Variants in PHKA2 observed in about 807,000 individuals in gnomAD.
PHKA2 encodes phosphorylase kinase regulatory subunit alpha 2.
Under a neutral mutation model 102.0 loss-of-function variants are expected in PHKA2, and 31 were observed. The ratio of observed to expected loss-of-function variants is 0.30; its 90% CI spans 0.23 to 0.41. The LOEUF is 0.41. PHKA2 is among the 10% of genes least tolerant of loss of function. The pLI, the probability that PHKA2 is intolerant of heterozygous loss-of-function variation, is 1.00. For missense variants in PHKA2, 858 were observed against 1,023.1 expected, an observed-to-expected ratio of 0.84 and a Z score of 2.20; for synonymous variants, 455 against 416.2, an observed-to-expected ratio of 1.09 and a Z score of -1.13.
rs1478150249 is a variant in PHKA2, at chrX:18,911,007, A to C, written c.2138-47T>G. On this transcript the variant is annotated intron_variant, in intron 19 of 32. Coordinates refer to ENST00000379942, the MANE Select transcript of PHKA2 (RefSeq NM_000292.3). Reference sequence around the variant, plus strand: ...AGAGTTATTCTGAGGAGGAAGAACAACACTTTTTTTTTTTTTGAGACAGAA... The same window carrying C: ...AGAGTTATTCTGAGGAGGAAGAACACCACTTTTTTTTTTTTTGAGACAGAA... The C allele has an allele frequency of 1.6e-5, 13 of 811,982 alleles. 1 individual carries two copies. The African/African-American group carries it at 2.2e-4, about 14-fold the overall frequency. The allele number at this position is 811,982 out of a possible 1,213,427, so 66.9% of individuals were successfully genotyped here. A position where few individuals can be genotyped will look rare whatever the true frequency, so the allele number is the denominator to read the frequency against.
At chrX:18,918,066 T>C (rs765756081) in intron 19 of PHKA2, among the ~76,000 whole-genome samples, 1 of 111,028 alleles carries the variant, frequency 9.0e-6, no homozygotes, top group East Asian at 2.8e-4. Context: ...ATGACACATA[T>C]GCAACAGGCC....
At chrX:18,940,321 T>C (rs2048471628) in intron 8 of PHKA2, among the ~76,000 whole-genome samples, 1 of 111,951 alleles carries the variant, frequency 8.9e-6, no homozygotes, top group African/African-American at 3.2e-5. Flanking sequence ...ATGCCTTCAT[T>C]CTGATTTACT....
At chrX:18,941,801 C>T (rs1335179036) in intron 7 of PHKA2, 126 bp from the exon 8 acceptor site, 10 of 537,017 alleles carry the variant, frequency 1.9e-5, no homozygotes, top group Non-Finnish European at 3.0e-5. Flanking sequence ...GAGCTTTGTC[C>T]TACCAACATG....
chrX:18,945,215 T>C, intron 5 of PHKA2, 57 bp from the exon 6 acceptor site: 2 of 736,351 alleles, frequency 2.7e-6, no homozygotes, highest in East Asian at 3.2e-5. Context: ...AGAAGTGCTA[T>C]GGGAAAAATG....
intron 15 of PHKA2, among the ~76,000 whole-genome samples, chrX:18,925,373 G>A (rs1278741897): frequency 8.9e-6 from 1 of 112,332 alleles, no homozygotes; most frequent in Non-Finnish European, 1.9e-5. Context: ...ACAAGGGTCA[G>A]AGATGATTGT....
intron 32 of PHKA2, 71 bp downstream of exon 32, chrX:18,894,133 C>T: frequency 1.0e-6 from 1 of 961,111 alleles, no homozygotes; most frequent in Admixed American, 2.2e-5. Flanking sequence ...TATATTCTTT[C>T]CTATTGGACA....
At chrX:18,969,062 G>A (rs980039679) in intron 1 of PHKA2, among the ~76,000 whole-genome samples, 7 of 109,916 alleles carry the variant, frequency 6.4e-5, no homozygotes, top group Non-Finnish European at 1.1e-4. Context: ...GCAGTGAGCC[G>A]AGATTGTGCC....
intron 18 of PHKA2, 89 bp from the exon 19 acceptor site, chrX:18,918,943 C>A: frequency 1.3e-6 from 1 of 773,769 alleles, no homozygotes; most frequent in Non-Finnish European, 2.0e-6. Flanking sequence ...GCAAGCAGCA[C>A]TGAGTAGGCT....
chrX:18,906,918 G>C, intron 23 of PHKA2, 100 bp downstream of exon 23: 1 of 1,008,895 alleles, frequency 9.9e-7, no homozygotes, highest in Non-Finnish European at 1.4e-6. Context: ...GCATCCATGT[G>C]ACAGAGTGTC....
chrX:18,938,552 C>A, intron 10 of PHKA2, 75 bp downstream of exon 10: 1 of 1,031,101 alleles, frequency 9.7e-7, no homozygotes, highest in East Asian at 3.0e-5. Context: ...TCTTGCATAA[C>A]CCTATGTTCT....
intron 17 of PHKA2, among the ~76,000 whole-genome samples, chrX:18,923,047 C>T (rs1424094960): frequency 6.1e-5 from 5 of 82,531 alleles, no homozygotes; most frequent in African/African-American, 2.5e-4. Context: ...TGAGATTCTC[C>T]TTTTTTTTTT....
intron 4 of PHKA2, among the ~76,000 whole-genome samples, chrX:18,950,529 C>T (rs1054566727): frequency 8.9e-6 from 1 of 112,733 alleles, no homozygotes; most frequent in African/African-American, 3.2e-5. Context: ...TGGAGGGTGA[C>T]TGTCCTCTCT....
chrX:18,922,875 C>T (rs1037416231), intron 17 of PHKA2, among the ~76,000 whole-genome samples: 1 of 110,187 alleles, frequency 9.1e-6, no homozygotes, highest in Admixed American at 9.7e-5. Context: ...TTTAAAAAAA[C>T]GACAGTGACT....
chrX:18,911,862 T>G (rs935214709), intron 19 of PHKA2, among the ~76,000 whole-genome samples: 13 of 112,066 alleles, frequency 1.2e-4, no homozygotes, highest in Admixed American at 1.1e-3. Context: ...TCGCCTGACC[T>G]CTTTTTCTTT....
chrX:18,922,172 G>C (rs918846516), intron 17 of PHKA2, among the ~76,000 whole-genome samples: 1 of 111,611 alleles, frequency 9.0e-6, no homozygotes, highest in Non-Finnish European at 1.9e-5. Context: ...CTTGAACCTG[G>C]GGGGTGGAGG....
chrX:18,950,972 C>A (rs2048673961), intron 4 of PHKA2, 132 bp downstream of exon 4: 1 of 652,917 alleles, frequency 1.5e-6, no homozygotes, highest in Admixed American at 2.6e-5. Flanking sequence ...GTATAAATGG[C>A]CTTGTCTGAG....
chrX:18,924,307 G>A, intron 16 of PHKA2, 74 bp downstream of exon 16: 2 of 1,121,832 alleles, frequency 1.8e-6, no homozygotes, highest in South Asian at 3.6e-5. Context: ...GGCCATGGGA[G>A]CCATTTTAAA....
chrX:18,942,052 AT>A (rs1386983513), intron 7 of PHKA2, among the ~76,000 whole-genome samples: 5 of 112,249 alleles, frequency 4.5e-5, no homozygotes, highest in African/African-American at 1.6e-4. Flanking sequence ...AAAAGAACAC[AT>A]ACATGGGGCC....
At chrX:18,912,979 G>A (rs868267415) in intron 19 of PHKA2, among the ~76,000 whole-genome samples, 39 of 110,322 alleles carry the variant, frequency 3.5e-4, no homozygotes, top group African/African-American at 1.2e-3. Context: ...CTGGAGGGCT[G>A]AGGCAGAAGG....
Sources: allele counts gnomAD v4.1 joint callset (sites outside exome capture counted in the v4.1 genomes callset), GRCh38; gene constraint gnomAD v4.1.1; transcripts MANE v1.5; gene names NCBI Gene and HGNC (gene_info 2026-07-23, HGNC 2026-07-21).